DOCK8: variants seen among roughly 807,000 people sequenced by gnomAD.
The protein encoded by DOCK8 is dedicator of cytokinesis protein 8.
DOCK8 carries 141 observed loss-of-function variants against 245.6 expected under a neutral mutation model. The observed-to-expected ratio is 0.57, with a 90% CI of 0.50 to 0.66. DOCK8 has a LOEUF of 0.66. Among genes scored for constraint, DOCK8 ranks in the 30% least tolerant of loss-of-function variants. The probability of loss-of-function intolerance (pLI) is 0.00; values close to 1 mark genes in which losing one functional copy is unlikely to be tolerated. For missense variants in DOCK8, 2,965 were observed against 2,603.4 expected, an observed-to-expected ratio of 1.14 and a Z score of -3.02; for synonymous variants, 1,168 against 970.2, an observed-to-expected ratio of 1.20 and a Z score of -3.79.
rs534080306 is a variant in DOCK8, at chr9:328,100, G to A, written c.973G>A (p.Ala325Thr). The change falls in exon 9 of 48, where the codon GCA (alanine) becomes ACA (threonine). Residue 325 changes from alanine to threonine, a missense_variant. Physicochemically the swap from Ala to Thr is moderately conservative, Grantham distance 58. Transcript: ENST00000432829. ...GCGAGCTCACACGCCTTCAGTGGCC[G>A]CATCAAGTCAGGCGAGATCTGCAGT... is the stretch of plus-strand genomic sequence containing the variant. ...FLRAHTPSVA[A>T]SSQARSAVFS... 73 of 1,614,138 alleles carry A rather than the reference G, an allele frequency of 4.5e-5. No individual in the cohort carries two copies. Among genetic ancestry groups the A allele is most frequent in the African/African-American group, 4.0e-4 (30 of 75,060 alleles).
chr9:319,728 C>A (rs568210003), intron 7 of DOCK8, among the ~76,000 whole-genome samples: 2 of 151,342 alleles, frequency 1.3e-5, no homozygotes, highest in South Asian at 4.2e-4. Context: ...AATATAGAAA[C>A]CCTCAAAGAT....
intron 9 of DOCK8, among the ~76,000 whole-genome samples, chr9:329,123 T>G (rs970836218): frequency 6.6e-6 from 1 of 151,960 alleles, no homozygotes; most frequent in Non-Finnish European, 1.5e-5. Flanking sequence ...GGCTAATTTT[T>G]GTATTTTTAG....
At position 340,579 on chromosome 9, in the gene DOCK8, C is replaced by T. The variant is rs1285675810; in HGVS notation, c.1679+258C>T. ...GAGGTTGCAGTGAGCCAAGATTGCA[C>T]TACTGCACTCCAGCCTGGGAGACAG... On this transcript the variant is annotated intron_variant, in intron 14 of 47. Transcript: ENST00000432829. 5 of 405,260 alleles carry T rather than the reference C, an allele frequency of 1.2e-5. No individual in the cohort carries two copies. The East Asian group carries it at 2.1e-4, about 17-fold the overall frequency. 25.1% of individuals were successfully genotyped at this position (405,260 alleles called of 1,614,324 possible).
At chr9:357,846 C>T (rs1360754782) in intron 14 of DOCK8, among the ~76,000 whole-genome samples, 1 of 152,204 alleles carries the variant, frequency 6.6e-6, no homozygotes, top group Non-Finnish European at 1.5e-5. Context: ...ATTTTTCTTG[C>T]TCTGATTTCT....
At chr9:237,109 CAAAG>C (rs1271845663) in intron 1 of DOCK8, among the ~76,000 whole-genome samples, 1 of 152,164 alleles carries the variant, frequency 6.6e-6, no homozygotes, top group African/African-American at 2.4e-5. Flanking sequence ...AGCCCAGTCA[CAAAG>C]AAAAAGCCAT....
intron 28 of DOCK8, among the ~76,000 whole-genome samples, chr9:414,398 A>G (rs1019687863): frequency 2.0e-5 from 3 of 152,080 alleles, no homozygotes; most frequent in Admixed American, 2.0e-4. Context: ...CATGCTAAAC[A>G]GCAGACCCAG....
At position 448,599 on chromosome 9, in the gene DOCK8, G is replaced by A. The variant is rs1286357862; in HGVS notation, c.5818-1185G>A. On this transcript the variant is annotated intron_variant, in intron 44 of 47. Coordinates refer to ENST00000432829, the MANE Select transcript of DOCK8 (RefSeq NM_203447.4). ...GTTGGTGCCTTCTGAGGGCTGTGAGGAAAGGGTCTGTTCCAGGCCTCTCTC... is the reference window on the plus strand; with the variant it reads ...GTTGGTGCCTTCTGAGGGCTGTGAGAAAAGGGTCTGTTCCAGGCCTCTCTC... 4.6e-5 allele frequency among the ~76,000 whole-genome samples: 7 copies of A among 152,296 alleles called. No homozygotes were observed. The East Asian group carries it at 5.8e-4, about 13-fold the overall frequency.
chr9:317,334 A>G (rs927862684), intron 7 of DOCK8, among the ~76,000 whole-genome samples: 3 of 152,184 alleles, frequency 2.0e-5, no homozygotes, highest in African/African-American at 7.2e-5. Flanking sequence ...ATTCTTCTAC[A>G]ATAGAGAAGG....
At chr9:228,897 T>G (rs2047045231) in intron 1 of DOCK8, among the ~76,000 whole-genome samples, 1 of 152,182 alleles carries the variant, frequency 6.6e-6, no homozygotes, top group Non-Finnish European at 1.5e-5. Flanking sequence ...CACTCACAAG[T>G]CCAGGACCTT....
At chr9:284,813 C>T (rs2048742255) in intron 2 of DOCK8, among the ~76,000 whole-genome samples, 2 of 152,082 alleles carry the variant, frequency 1.3e-5, no homozygotes, top group African/African-American at 4.8e-5. Flanking sequence ...GAACTGGAGG[C>T]TATTATCCTT....
intron 1 of DOCK8, among the ~76,000 whole-genome samples, chr9:231,491 C>T (rs1443462250): frequency 2.6e-5 from 4 of 152,106 alleles, no homozygotes; most frequent in Non-Finnish European, 5.9e-5. Context: ...TTACCTTGGG[C>T]AGTATGGCCA....
At position 286,852 on chromosome 9, in the gene DOCK8, C is replaced by G. The variant is rs12336170; in HGVS notation, c.332+216C>G. ...TTTGAAAAGCTATGTGAAGACTAAG[C>G]CAGTGCAAGGGATGCAGGAGGACCA... On this transcript the variant is annotated intron_variant, in intron 3 of 47. Transcript: ENST00000432829. 0.04 allele frequency among the ~76,000 whole-genome samples: 6,109 copies of G among 152,154 alleles called. 274 individuals carry two copies. The highest frequency in any genetic ancestry group is 0.11 in the African/African-American group (4,512 of 41,476).
chr9:361,272 G>A (rs2052715837), intron 14 of DOCK8, among the ~76,000 whole-genome samples: 1 of 152,180 alleles, frequency 6.6e-6, no homozygotes, highest in Non-Finnish European at 1.5e-5. Context: ...ACAAATTAAA[G>A]ACACAGACTG....
chr9:403,030 C>T (rs1279482253), intron 26 of DOCK8, among the ~76,000 whole-genome samples: 1 of 152,198 alleles, frequency 6.6e-6, no homozygotes, highest in Admixed American at 6.5e-5. Flanking sequence ...GCTGGGATTA[C>T]AGGTGTGTGG....
At chr9:248,402 C>T (rs755964665) in intron 1 of DOCK8, among the ~76,000 whole-genome samples, 7 of 152,108 alleles carry the variant, frequency 4.6e-5, no homozygotes, top group Non-Finnish European at 8.8e-5. Flanking sequence ...TTGCCTATGT[C>T]AAGTGTTCTC....
chr9:400,503 CCAT>C (rs1490275688), intron 26 of DOCK8, among the ~76,000 whole-genome samples: 2 of 42,778 alleles, frequency 4.7e-5, no homozygotes, highest in Admixed American at 2.1e-4. Flanking sequence ...ACCACCTCCA[CCAT>C]CACCACCACC....
intron 2 of DOCK8, chr9:272,950 C>A: frequency 1.3e-6 from 1 of 763,958 alleles, no homozygotes; most frequent in African/African-American, 1.9e-5. Context: ...TGCTGCTTAT[C>A]TTGAAGAGGT....
At chr9:443,609 C>A in intron 43 of DOCK8, 93 bp downstream of exon 43, 1 of 1,021,118 alleles carries the variant, frequency 9.8e-7, no homozygotes, top group African/African-American at 1.6e-5. Context: ...TCTGGACTCT[C>A]CAAGTCACTT....
intron 42 of DOCK8, 81 bp downstream of exon 42, chr9:442,090 A>C (rs2057112060): frequency 6.4e-7 from 1 of 1,574,536 alleles, no homozygotes; most frequent in Non-Finnish European, 8.7e-7. Flanking sequence ...AAAATAAACA[A>C]ATAAAGAGTT....
Sources: allele counts gnomAD v4.1 joint callset (sites outside exome capture counted in the v4.1 genomes callset), GRCh38; gene constraint gnomAD v4.1.1; transcripts MANE v1.5; gene names NCBI Gene and HGNC (gene_info 2026-07-23, HGNC 2026-07-21).